SP3: variants seen among roughly 807,000 people sequenced by gnomAD.
The protein encoded by SP3 is transcription factor Sp3.
SP3 carries 10 observed loss-of-function variants against 70.3 expected under a neutral mutation model. The ratio of observed to expected loss-of-function variants is 0.14; its 90% CI spans 0.09 to 0.24. SP3 has a LOEUF of 0.24. SP3 is among the 10% of genes least tolerant of loss of function. The pLI is 1.00. For missense variants in SP3, 825 were observed against 914.6 expected (o/e 0.90, Z 1.26); for synonymous variants, 402 against 333.5 (o/e 1.21, Z -2.24).
intron 4 of SP3, among the ~76,000 whole-genome samples, chr2:173,926,893 G>A (rs551048995): frequency 1.3e-5 from 2 of 152,270 alleles, no homozygotes; most frequent in East Asian, 3.9e-4. Context: ...CTGCTATGAA[G>A]AGATACCTGA....
intron 4 of SP3, among the ~76,000 whole-genome samples, chr2:173,942,743 A>G (rs1011391250): frequency 3.3e-5 from 5 of 151,682 alleles, no homozygotes; most frequent in East Asian, 3.9e-4. Flanking sequence ...ACTTTACTCC[A>G]CCCTTCCCTA....
Position 173,908,016 on chromosome 2 carries a change from G to A in SP3, c.*1925C>T, listed in dbSNP as rs1368386422. 1 of 152,038 alleles carries A rather than the reference G, an allele frequency of 6.6e-6. No homozygotes were observed. Among genetic ancestry groups the A allele is most frequent in the African/African-American group, 2.4e-5 (1 of 41,442 alleles). The allele number at this position is 152,038 out of a possible 1,614,324, so 9.4% of individuals were successfully genotyped here. On this transcript the variant is annotated 3_prime_UTR_variant, in exon 7 of 7. Transcript: ENST00000310015. ...TACCCCCACTGTATACATGTGTTAA[G>A]AAACTTGATTTTTACTTTAAAACAT...
chr2:173,955,831 G>A lies in SP3; in HGVS notation c.681C>T (p.Leu227=). 2 of 1,614,252 alleles carry A rather than the reference G, an allele frequency of 1.2e-6. No individual in the cohort carries two copies. The highest frequency in any genetic ancestry group is 1.7e-6 in the Non-Finnish European group (2 of 1,180,046). Residue 227 remains leucine (L), a synonymous_variant, in exon 4 of 7, where the codon CTC becomes CTT. Transcript: ENST00000310015. The part of the protein sequence containing the change: ...SGTPSANIQN[L]IPQTGQVQVQ... ...CCTGGACTTGACCAGTCTGTGGTATGAGATTCTGGATGTTAGCAGAAGGTG... is the reference window on the plus strand; with the variant it reads ...CCTGGACTTGACCAGTCTGTGGTATAAGATTCTGGATGTTAGCAGAAGGTG...
chr2:173,953,622 C>T (rs761784652), intron 4 of SP3, among the ~76,000 whole-genome samples: 1 of 152,054 alleles, frequency 6.6e-6, no homozygotes, highest in Non-Finnish European at 1.5e-5. Flanking sequence ...TGGTGTGCAC[C>T]TGTAATCCCA....
At chr2:173,914,266 G>A (rs982301011) in intron 5 of SP3, 6 of 151,800 alleles carry the variant, frequency 4.0e-5, no homozygotes, top group African/African-American at 9.7e-5. Flanking sequence ...ACTTTACAAT[G>A]TTTCTGAGTT....
intron 4 of SP3, among the ~76,000 whole-genome samples, chr2:173,952,589 CAA>C (rs1270325904): frequency 2.0e-5 from 3 of 152,226 alleles, no homozygotes; most frequent in African/African-American, 7.2e-5. Flanking sequence ...CATTTCCACA[CAA>C]AATACTACCT....
chr2:173,946,639 G>T (rs1032072720), intron 4 of SP3, among the ~76,000 whole-genome samples: 3 of 151,734 alleles, frequency 2.0e-5, no homozygotes, highest in Non-Finnish European at 4.4e-5. Flanking sequence ...CTGAATTCTG[G>T]GCTGCTGGTT....
At position 173,904,572 on chromosome 2, in the gene SP3, G is replaced by T. The variant is rs1028671368; in HGVS notation, c.*5369C>A. Among the ~76,000 whole-genome samples the T allele has an allele frequency of 4.6e-5, 7 of 152,200 alleles. No individual in the cohort carries two copies. Among genetic ancestry groups the T allele is most frequent in the Admixed American group, 2.0e-4 (3 of 15,284 alleles). On this transcript the variant is annotated 3_prime_UTR_variant, in exon 7 of 7. Coordinates refer to ENST00000310015, the MANE Select transcript of SP3 (RefSeq NM_003111.5). ...TTTTCTTTTTCTTCTGGGGTTGAATGTCATCTTTGCTTTCTCTGCCTCCCA... is the reference window on the plus strand; with the variant it reads ...TTTTCTTTTTCTTCTGGGGTTGAATTTCATCTTTGCTTTCTCTGCCTCCCA...
chr2:173,961,942 T>G (rs6755986), intron 3 of SP3, among the ~76,000 whole-genome samples: 2,213 of 27,338 alleles, frequency 0.081, 32 homozygotes, highest in Middle Eastern at 0.12. Context: ...TGGGTTTTTT[T>G]TTTTTTTTTT....
At chr2:173,949,105 A>C (rs899384781) in intron 4 of SP3, among the ~76,000 whole-genome samples, 1 of 152,118 alleles carries the variant, frequency 6.6e-6, no homozygotes, top group African/African-American at 2.4e-5. Flanking sequence ...TAGTCATCAC[A>C]TTTTGTCTAT....
At chr2:173,920,937 T>C (rs909507613) in intron 4 of SP3, among the ~76,000 whole-genome samples, 3 of 152,160 alleles carry the variant, frequency 2.0e-5, no homozygotes, top group Non-Finnish European at 4.4e-5. Context: ...TCCATGGGGA[T>C]AGAAGAGTGG....
At position 173,906,353 on chromosome 2, in the gene SP3, T is replaced by C. The variant is rs957009443; in HGVS notation, c.*3588A>G. On this transcript the variant is annotated 3_prime_UTR_variant, in exon 7 of 7. Transcript: ENST00000310015. ...GTTGTTTCTTCAACACTAAATAAAATTATGAGGTGATTTCACAAAAATATC... is the reference window on the plus strand; with the variant it reads ...GTTGTTTCTTCAACACTAAATAAAACTATGAGGTGATTTCACAAAAATATC... The C allele has an allele frequency of 2.3e-4, 35 of 152,172 alleles. 1 individual carries two copies. Among genetic ancestry groups the C allele is most frequent in the African/African-American group, 8.4e-4 (35 of 41,438 alleles). The allele number at this position is 152,172 out of a possible 1,614,324, so 9.4% of individuals were successfully genotyped here. A position where few individuals can be genotyped will look rare whatever the true frequency, so the allele number is the denominator to read the frequency against.
In SP3 at chr2:173,909,916, C is replaced by T; in HGVS notation, c.*25G>A. 1 of 1,597,340 alleles carries T rather than the reference C, an allele frequency of 6.3e-7. No homozygotes were observed. The highest frequency in any genetic ancestry group is 8.6e-7 in the Non-Finnish European group (1 of 1,166,318). On this transcript the variant is annotated 3_prime_UTR_variant, in exon 7 of 7. Coordinates refer to ENST00000310015, the MANE Select transcript of SP3 (RefSeq NM_003111.5). ...TCTCACTACTGTATAAAAATAACCA[C>T]AATGAATAAGTATTTGTGTAATATT...
chr2:173,958,821 C>T (rs1690974303), intron 3 of SP3, among the ~76,000 whole-genome samples: 1 of 150,798 alleles, frequency 6.6e-6, no homozygotes, highest in Non-Finnish European at 1.5e-5. Context: ...TCTGGCTACA[C>T]TGTGGAATTG....
intron 4 of SP3, among the ~76,000 whole-genome samples, chr2:173,951,200 T>C (rs1008416852): frequency 4.6e-5 from 7 of 152,202 alleles, no homozygotes; most frequent in Admixed American, 1.3e-4. Context: ...CGCTGTAACA[T>C]TAATTTTGTA....
rs1003102347 is a variant in SP3, at chr2:173,956,184, C to T, written c.328G>A (p.Glu110Lys). Reference sequence around the variant, plus strand: ...GTTGTAGGTGTGGCTGACAAAACCTCCCATCGGTTTGGTGCTCCTCCTAAC... The same window carrying T: ...GTTGTAGGTGTGGCTGACAAAACCTTCCATCGGTTTGGTGCTCCTCCTAAC... ...AQLGGAPNRWEVLSATPTTIK... is the reference protein window; with the variant it reads ...AQLGGAPNRWKVLSATPTTIK... The change falls in exon 4 of 7, where the codon GAG becomes AAG. Residue 110 changes from glutamate to lysine, a missense_variant. Physicochemically the swap from Glu to Lys is moderately conservative, Grantham distance 56. Around this residue, in one of 4 missense-constraint regions of SP3, gnomAD observed 678 missense variants for 651.6 expected, o/e 1.04. Coordinates refer to ENST00000310015, the MANE Select transcript of SP3 (RefSeq NM_003111.5). 1 of 1,613,742 alleles carries T rather than the reference C, an allele frequency of 6.2e-7. No homozygotes were observed. Among genetic ancestry groups the T allele is most frequent in the African/African-American group, 1.3e-5 (1 of 74,912 alleles).
chr2:173,959,660 G>A (rs984670532), intron 3 of SP3, among the ~76,000 whole-genome samples: 13 of 152,088 alleles, frequency 8.5e-5, no homozygotes, highest in South Asian at 2.1e-4. Context: ...GGGCTGAGGC[G>A]GAAGAATGGC....
At chr2:173,951,514 T>C (rs1297236431) in intron 4 of SP3, among the ~76,000 whole-genome samples, 2 of 152,234 alleles carry the variant, frequency 1.3e-5, no homozygotes, top group African/African-American at 2.4e-5. Flanking sequence ...TTTTCACAAA[T>C]CTCTGTAATG....
At chr2:173,949,639 G>A (rs1467599279) in intron 4 of SP3, among the ~76,000 whole-genome samples, 2 of 152,118 alleles carry the variant, frequency 1.3e-5, no homozygotes, top group Non-Finnish European at 2.9e-5. Flanking sequence ...TCTTTCGCCT[G>A]TCAATCTTTA....
Sources: gnomAD v4.1 joint callset for allele counts (sites outside exome capture counted in the v4.1 genomes callset) on GRCh38, gnomAD v4.1.1 for gene constraint, gnomAD v4.1.1 regional missense constraint, MANE v1.5 for transcripts, NCBI Gene and HGNC (gene_info 2026-07-23, HGNC 2026-07-21) for gene names.